RMST: variants seen among roughly 807,000 people sequenced by gnomAD.
The protein encoded by RMST is rhabdomyosarcoma 2 associated transcript.
Position 97,524,876 on chromosome 12 carries a change from C to T in RMST, n.1341-5779C>T, listed in dbSNP as rs1880929033. Among the ~76,000 whole-genome samples, 3 of 152,318 alleles carry T rather than the reference C, an allele frequency of 2.0e-5. No homozygotes were observed. In the South Asian group the frequency reaches 6.2e-4, roughly 32 times the overall value. On this transcript the variant is annotated intron_variant and non_coding_transcript_variant, in intron 10 of 13. Transcript: ENST00000640149. ...AATGAGCAATGTGTTCTCCAATTTG[C>T]ATATTTGAAAAGATAAGGAAAGCCT...
intron 5 of RMST, among the ~76,000 whole-genome samples, chr12:97,488,752 C>T (rs755341050): frequency 1.7e-4 from 26 of 152,248 alleles, no homozygotes; most frequent in Middle Eastern, 6.8e-3. Context: ...GGTTTCAATC[C>T]GTTCCGTTTT....
At chr12:97,510,045 A>G (rs1879116512) in intron 10 of RMST, among the ~76,000 whole-genome samples, 1 of 152,234 alleles carries the variant, frequency 6.6e-6, no homozygotes, top group African/African-American at 2.4e-5. Flanking sequence ...CTGCTGGATA[A>G]GTTAATTATT....
At chr12:97,473,371 G>A (rs1191969985) in intron 5 of RMST, among the ~76,000 whole-genome samples, 4 of 152,156 alleles carry the variant, frequency 2.6e-5, no homozygotes, top group South Asian at 2.1e-4. Context: ...AGTAAAATAC[G>A]TGTGTGTGTT....
intron 5 of RMST, among the ~76,000 whole-genome samples, chr12:97,470,428 A>G (rs1381555487): frequency 6.6e-6 from 1 of 151,972 alleles, no homozygotes; most frequent in Non-Finnish European, 1.5e-5. Flanking sequence ...TAGGCCAGGA[A>G]AAAGGAGAGG....
At chr12:97,524,075 C>CAGAGAAA (rs57255256) in intron 10 of RMST, among the ~76,000 whole-genome samples, 875 of 56,126 alleles carry the variant, frequency 0.016, 268 homozygotes, top group East Asian at 0.029. Flanking sequence ...GACTCTGTCT[C>CAGAGAAA]AAAAAAAAAA....
intron 10 of RMST, among the ~76,000 whole-genome samples, chr12:97,504,507 T>C (rs1878457165): frequency 6.6e-6 from 1 of 152,148 alleles, no homozygotes; most frequent in South Asian, 2.1e-4. Context: ...TTTCTTATTT[T>C]ATGTCAGTAT....
At position 97,490,502 on chromosome 12, in the gene RMST, G is replaced by A. The variant is rs73384764; in HGVS notation, n.645-1959G>A. Among the ~76,000 whole-genome samples, 1,360 of 152,230 alleles carry A rather than the reference G, an allele frequency of 8.9e-3. 32 individuals carry two copies. Among genetic ancestry groups the A allele is most frequent in the African/African-American group, 0.031 (1,290 of 41,536 alleles). On this transcript the variant is annotated intron_variant and non_coding_transcript_variant, in intron 5 of 13. Coordinates refer to ENST00000640149, the Ensembl canonical transcript of RMST. Reference sequence around the variant, plus strand: ...ACAGGGTTGTTGGGGGATTAAATGAGTTTCTATACACAAAGCATTTAGGAC... The same window carrying A: ...ACAGGGTTGTTGGGGGATTAAATGAATTTCTATACACAAAGCATTTAGGAC...
At chr12:97,476,456 C>T (rs990277567) in intron 5 of RMST, among the ~76,000 whole-genome samples, 1 of 152,118 alleles carries the variant, frequency 6.6e-6, no homozygotes, top group Non-Finnish European at 1.5e-5. Flanking sequence ...GTTTTCTTCT[C>T]TTGCTTTTGT....
chr12:97,495,985 T>C (rs1877370327), exon 10 of RMST: 2 of 152,324 alleles, frequency 1.3e-5, no homozygotes, highest in South Asian at 4.1e-4. Context: ...ATTTTCCCAG[T>C]GCCACCAACT....
At chr12:97,564,169 A>G (rs570724212) in exon 14 of RMST, 106 of 248,202 alleles carry the variant, frequency 4.3e-4, no homozygotes, top group Non-Finnish European at 7.2e-4. Context: ...TAGGGGAACT[A>G]TTAATAGCCC....
intron 13 of RMST, among the ~76,000 whole-genome samples, chr12:97,562,417 C>A (rs940439624): frequency 2.6e-5 from 4 of 152,050 alleles, no homozygotes; most frequent in African/African-American, 9.7e-5. Context: ...GGCTCTTGAA[C>A]CCCTTCCCTA....
chr12:97,471,086 A>G (rs1873852216), intron 5 of RMST, among the ~76,000 whole-genome samples: 1 of 152,098 alleles, frequency 6.6e-6, no homozygotes, highest in South Asian at 2.1e-4. Context: ...CCAAGTTATT[A>G]AGATAGAAAT....
intron 10 of RMST, among the ~76,000 whole-genome samples, chr12:97,499,927 A>G (rs7305550): frequency 0.84 from 127,562 of 152,004 alleles, 54,048 homozygotes; most frequent in African/African-American, 0.94. Flanking sequence ...CCAAAGTATT[A>G]GGATTACAGG....
chr12:97,546,250 T>C (rs1882920758), intron 11 of RMST, among the ~76,000 whole-genome samples: 1 of 152,116 alleles, frequency 6.6e-6, no homozygotes, highest in Non-Finnish European at 1.5e-5. Context: ...ATACTGCTTT[T>C]TTATGGAGAG....
chr12:97,494,326 A>G (rs1877172754), intron 8 of RMST, among the ~76,000 whole-genome samples: 1 of 152,208 alleles, frequency 6.6e-6, no homozygotes, highest in African/African-American at 2.4e-5. Flanking sequence ...ACAAATTACC[A>G]TCTTGCTTTG....
chr12:97,552,066 T>C (rs112623575), intron 11 of RMST: 13 of 152,242 alleles, frequency 8.5e-5, no homozygotes, highest in African/African-American at 2.9e-4. Context: ...CTGTTTTCAT[T>C]CCCCCCAGCC....
At chr12:97,540,568 A>G (rs1195781307) in intron 11 of RMST, among the ~76,000 whole-genome samples, 2 of 151,746 alleles carry the variant, frequency 1.3e-5, no homozygotes, top group Non-Finnish European at 3.0e-5. Context: ...GTAGACGGGC[A>G]GACCTAAATT....
chr12:97,498,393 G>A (rs574213978), intron 10 of RMST, among the ~76,000 whole-genome samples: 3 of 152,026 alleles, frequency 2.0e-5, no homozygotes, highest in Non-Finnish European at 2.9e-5. Flanking sequence ...TTCTAAACCC[G>A]CTTCTTCACC....
At chr12:97,538,944 C>G (rs1244668736) in intron 11 of RMST, among the ~76,000 whole-genome samples, 1 of 151,424 alleles carries the variant, frequency 6.6e-6, no homozygotes, top group South Asian at 2.1e-4. Context: ...TTAACTGGCC[C>G]AGGAAAACCG....
Sources: allele counts gnomAD v4.1 joint callset (sites outside exome capture counted in the v4.1 genomes callset), GRCh38; gene constraint gnomAD v4.1.1; transcripts MANE v1.5; gene names NCBI Gene and HGNC (gene_info 2026-07-23, HGNC 2026-07-21).